PHACTR2: variants seen among roughly 807,000 people sequenced by gnomAD.
The protein encoded by PHACTR2 is chromosome 6 open reading frame 56.
In PHACTR2, 30 loss-of-function variants were observed where a neutral mutation model predicts 76.0. The observed-to-expected ratio is 0.39, with a 90% CI of 0.30 to 0.54. The LOEUF is 0.54. Among genes scored for constraint, PHACTR2 ranks in the 20% least tolerant of loss-of-function variants. PHACTR2 has a pLI of 0.61. For missense variants in PHACTR2, 696 were observed against 781.1 expected (o/e 0.89, Z 1.30); for synonymous variants, 292 against 292.5 (o/e 1.00, Z 0.02).
In PHACTR2 at chr6:143,547,888, G is replaced by GTATCTATC. The variant is rs574082734; in HGVS notation, c.217+10694_217+10701dup. Among the ~76,000 whole-genome samples, 2 of 151,994 alleles carry GTATCTATC rather than the reference G, an allele frequency of 1.3e-5. No individual in the cohort carries two copies. The highest frequency in any genetic ancestry group is 2.4e-5 in the African/African-American group (1 of 41,332). On this transcript the variant is annotated intron_variant, in intron 1 of 11. Transcript: ENST00000367584. This position sits in a 1 kb window ranked among gnomAD's most constrained non-coding sequence, Gnocchi z 4.2. ...TCTATGTATGTATGTATGTACGTAT[G>GTATCTATC]TATCTATCTATCTATCTATCATCTA...
At chr6:143,588,922 C>A (rs1017520694) in intron 1 of PHACTR2, among the ~76,000 whole-genome samples, 14 of 152,206 alleles carry the variant, frequency 9.2e-5, no homozygotes, top group African/African-American at 3.4e-4. Flanking sequence ...AGACCTATAA[C>A]TATTAGCTAA....
rs560156785 is a variant in PHACTR2 at position 143,773,705 on chromosome 6, G to A, written c.1433-354G>A. Among the ~76,000 whole-genome samples the A allele has an allele frequency of 2.6e-5, 4 of 152,240 alleles. 1 individual carries two copies. The East Asian group carries it at 7.7e-4, about 29-fold the overall frequency. The stretch of plus-strand genomic sequence containing the variant: ...TACAGAATAAAAGCAAAAGAACTAA[G>A]TTTTTTAAACTTGAAAAAGAAACAG... On this transcript the variant is annotated intron_variant, in intron 7 of 12. Coordinates refer to ENST00000440869, the MANE Select transcript of PHACTR2 (RefSeq NM_001100164.2).
rs764920243 is a variant in PHACTR2, at chr6:143,671,627, G to A, written c.14-40389G>A. On this transcript the variant is annotated intron_variant, in intron 1 of 11. Transcript: ENST00000305766. This position sits in a 1 kb window ranked among gnomAD's most constrained non-coding sequence, Gnocchi z 4.6. ...TAGAAGGGAAGCTCTATGAGTGCAGGTGTTTTTGTATTTTGTATAATTCTG... is the reference window on the plus strand; with the variant it reads ...TAGAAGGGAAGCTCTATGAGTGCAGATGTTTTTGTATTTTGTATAATTCTG... Among the ~76,000 whole-genome samples the A allele has an allele frequency of 3.9e-5, 6 of 152,144 alleles. No homozygotes were observed. The highest frequency in any genetic ancestry group is 8.8e-5 in the Non-Finnish European group (6 of 68,020).
Position 143,580,050 on chromosome 6 carries a change from C to G in PHACTR2, c.217+42843C>G, listed in dbSNP as rs935533011. On this transcript the variant is annotated intron_variant, in intron 1 of 11. Coordinates refer to the PHACTR2 transcript ENST00000367584. This position sits in a 1 kb window ranked among gnomAD's most constrained non-coding sequence, Gnocchi z 4.2. ...ACCCTCAGTTTCTTGCCACGTGGGC[C>G]TCTCCATAGGGCAGCTCACAACATG... is the stretch of plus-strand genomic sequence containing the variant. 1.3e-5 allele frequency among the ~76,000 whole-genome samples: 2 copies of G among 152,202 alleles called. No homozygotes were observed. Among genetic ancestry groups the G allele is most frequent in the Non-Finnish European group, 2.9e-5 (2 of 68,038 alleles).
intron 2 of PHACTR2, among the ~76,000 whole-genome samples, chr6:143,746,006 C>G (rs1254560019): frequency 1.3e-5 from 2 of 152,190 alleles, no homozygotes; most frequent in Non-Finnish European, 2.9e-5. Flanking sequence ...AAACTCAAAA[C>G]TAAAACTAAA....
At chr6:143,707,565 G>A (rs556997865) in intron 1 of PHACTR2, among the ~76,000 whole-genome samples, 1 of 152,238 alleles carries the variant, frequency 6.6e-6, no homozygotes, top group East Asian at 1.9e-4. Context: ...ATAATTATGT[G>A]TGGTGAAAAA....
Position 143,807,050 on chromosome 6 carries a change from T to C in PHACTR2, c.1846-7T>C. The C allele has an allele frequency of 6.5e-7, 1 of 1,542,218 alleles. No homozygotes were observed. Among genetic ancestry groups the C allele is most frequent in the Non-Finnish European group, 8.9e-7 (1 of 1,117,790 alleles). On this transcript the variant is annotated splice_polypyrimidine_tract_variant and splice_region_variant and intron_variant, in intron 11 of 12. Transcript: ENST00000440869. The surrounding 1 kb of genome is among the most constrained non-coding windows in gnomAD (Gnocchi z 5.5). ...AGTTCTGTTTATCTATTTTTTTTCCTGTTTAGGCAGCAATAAGGAAAGAAC... is the reference window on the plus strand; with the variant it reads ...AGTTCTGTTTATCTATTTTTTTTCCCGTTTAGGCAGCAATAAGGAAAGAAC...
In PHACTR2 at chr6:143,744,820, A is replaced by C. The variant is rs541104557; in HGVS notation, c.215-4165A>C. On this transcript the variant is annotated intron_variant, in intron 2 of 12. Coordinates refer to ENST00000440869, the MANE Select transcript of PHACTR2 (RefSeq NM_001100164.2). ...TATAAGCCTGAAGTCAGGAAAATAC[A>C]GGGCAGTGTTTCCTTCACTTCCCAG... 6.6e-5 allele frequency among the ~76,000 whole-genome samples: 10 copies of C among 152,364 alleles called. No individual in the cohort carries two copies. The East Asian group carries it at 1.7e-3, about 26-fold the overall frequency.
chr6:143,574,117 G>A lies in PHACTR2; in HGVS notation c.217+36910G>A, dbSNP rs1280091435. Among the ~76,000 whole-genome samples, 5 of 152,296 alleles carry A rather than the reference G, an allele frequency of 3.3e-5. No homozygotes were observed. In the East Asian group the frequency reaches 7.7e-4, roughly 23 times the overall value. On this transcript the variant is annotated intron_variant, in intron 1 of 11. Coordinates refer to the PHACTR2 transcript ENST00000367584. ...TTATTTTAAGCTCATTACACCTGCA[G>A]GCAGGATTCAGTTCGTGCAGCTGTG...
chr6:143,637,575 G>A (rs1051369315), intron 1 of PHACTR2, among the ~76,000 whole-genome samples: 3 of 152,238 alleles, frequency 2.0e-5, no homozygotes, highest in Non-Finnish European at 4.4e-5. Context: ...GTATGGGTCA[G>A]GAGTTCAGGC....
At position 143,788,892 on chromosome 6, in the gene PHACTR2, G is replaced by T. The variant is rs1334272430; in HGVS notation, c.1827G>T (p.Arg609Ser). 3 of 1,611,584 alleles carry T rather than the reference G, an allele frequency of 1.9e-6. No individual in the cohort carries two copies. Among genetic ancestry groups the T allele is most frequent in the African/African-American group, 2.7e-5 (2 of 74,908 alleles). The change falls in exon 11 of 13, where the codon AGG becomes AGT. Residue 609 changes from arginine to serine, a missense_variant. Physicochemically the swap from Arg to Ser is moderately radical, Grantham distance 110 (BLOSUM62 -1). Coordinates refer to ENST00000440869, the MANE Select transcript of PHACTR2 (RefSeq NM_001100164.2). Reference protein sequence around the residue: ...YDRRADKPWARLTPADKAAIR... With the variant: ...YDRRADKPWASLTPADKAAIR... ...GCCGAGCAGACAAGCCCTGGGCCAG[G>T]TTAACACCTGCAGACAAGGCAAGAA...
At position 143,700,926 on chromosome 6, in the gene PHACTR2, A is replaced by G. The variant is rs1777898061; in HGVS notation, c.47-11090A>G. Among the ~76,000 whole-genome samples, 1 of 152,212 alleles carries G rather than the reference A, an allele frequency of 6.6e-6. No individual in the cohort carries two copies. Among genetic ancestry groups the G allele is most frequent in the South Asian group, 2.1e-4 (1 of 4,828 alleles). On this transcript the variant is annotated intron_variant, in intron 1 of 12. Coordinates refer to ENST00000440869, the MANE Select transcript of PHACTR2 (RefSeq NM_001100164.2). This position sits in a 1 kb window ranked among gnomAD's most constrained non-coding sequence, Gnocchi z 4.1. ...TCTGTAGCGACATCTTGCTATTCCT[A>G]AGCAGTCATCCTATCTGTTCATAGA...
At chr6:143,603,515 C>T (rs1356357253), upstream of PHACTR2, among the ~76,000 whole-genome samples, 1 of 151,974 alleles carries the variant, frequency 6.6e-6, no homozygotes, top group African/African-American at 2.4e-5. Context: ...CCACACCTTA[C>T]ATCAGAAGAG....
intron 1 of PHACTR2, among the ~76,000 whole-genome samples, chr6:143,566,579 C>T (rs1182767633): frequency 6.6e-6 from 1 of 152,148 alleles, no homozygotes; most frequent in Non-Finnish European, 1.5e-5. Context: ...GCTTGGATTA[C>T]AGATGTGAGC....
At chr6:143,705,872 G>A (rs896819259) in intron 1 of PHACTR2, among the ~76,000 whole-genome samples, 2 of 152,124 alleles carry the variant, frequency 1.3e-5, no homozygotes, top group East Asian at 3.8e-4. Context: ...AAGTCACTAT[G>A]GATAGCCCAC....
intron 1 of PHACTR2, among the ~76,000 whole-genome samples, chr6:143,538,018 G>A (rs1216562073): frequency 6.6e-6 from 1 of 152,238 alleles, no homozygotes; most frequent in Non-Finnish European, 1.5e-5. Flanking sequence ...GCTGAGGCAG[G>A]AGAATCGCTT....
intron 1 of PHACTR2, among the ~76,000 whole-genome samples, chr6:143,545,176 C>T (rs1774961999): frequency 6.6e-6 from 1 of 152,132 alleles, no homozygotes; most frequent in African/African-American, 2.4e-5. Flanking sequence ...AACTCCTGAC[C>T]TCAAGTGAGC....
rs1277321179 is a variant in PHACTR2, at chr6:143,561,975, T to C, written c.217+24768T>C. On this transcript the variant is annotated intron_variant, in intron 1 of 11. Coordinates refer to the PHACTR2 transcript ENST00000367584. The surrounding 1 kb of genome is among the most constrained non-coding windows in gnomAD (Gnocchi z 4.1). ...TCTCTTTTTGCCCCATGTCTTGACA[T>C]GAGTGGTTCCTTTGCTTGGAGGGCC... is the stretch of plus-strand genomic sequence containing the variant. 1 of 152,260 alleles carries C rather than the reference T, an allele frequency of 6.6e-6. No homozygotes were observed. The highest frequency in any genetic ancestry group is 2.4e-5 in the African/African-American group (1 of 41,454). 9.4% of individuals were successfully genotyped at this position (152,260 alleles called of 1,614,324 possible).
intron 3 of PHACTR2, among the ~76,000 whole-genome samples, chr6:143,749,322 C>T (rs1779136780): frequency 1.3e-5 from 2 of 152,278 alleles, no homozygotes; most frequent in Non-Finnish European, 2.9e-5. Context: ...AAGGTACATC[C>T]GAGGGCAATA....
Sources: allele counts gnomAD v4.1 joint callset (sites outside exome capture counted in the v4.1 genomes callset), GRCh38; gene constraint gnomAD v4.1.1; non-coding constraint Gnocchi (gnomAD v3.1); transcripts MANE v1.5; gene names NCBI Gene and HGNC (gene_info 2026-07-23, HGNC 2026-07-21).